GDAP1: variants seen among roughly 807,000 people sequenced by gnomAD.
GDAP1 encodes ganglioside induced differentiation associated protein 1, also known as ganglioside-induced differentiation-associated protein 1.
A neutral mutation model predicts 40.1 loss-of-function variants in GDAP1; 34 were observed. The ratio of observed to expected loss-of-function variants is 0.85; its 90% CI spans 0.64 to 1.13. The LOEUF is 1.13. Ranked by LOEUF, GDAP1 falls within the 50% of genes most tolerant of loss-of-function variation. GDAP1 has a pLI of 0.00. For synonymous variants in GDAP1, 170 were observed against 157.4 expected, an observed-to-expected ratio of 1.08 and a Z score of -0.60; for missense variants, 374 against 433.7, an observed-to-expected ratio of 0.86 and a Z score of 1.22.
intron 2 of GDAP1, among the ~76,000 whole-genome samples, chr8:74,429,071 T>C (rs1805993744): frequency 6.6e-6 from 1 of 152,170 alleles, no homozygotes; most frequent in African/African-American, 2.4e-5. Flanking sequence ...TGCATAGTAT[T>C]CCATGGTGTA....
chr8:74,383,042 C>T (rs955715614), intron 2 of GDAP1, among the ~76,000 whole-genome samples: 36 of 152,156 alleles, frequency 2.4e-4, no homozygotes, highest in African/African-American at 8.4e-4. Context: ...GTTTGTAAAA[C>T]TTTCTAACAC....
chr8:74,470,218 T>A (rs971003807), intron 2 of GDAP1, among the ~76,000 whole-genome samples: 1 of 152,164 alleles, frequency 6.6e-6, no homozygotes, highest in Non-Finnish European at 1.5e-5. Flanking sequence ...ATGAATCTTT[T>A]AAAATTTCCT....
At position 74,366,027 on chromosome 8, in the gene GDAP1, G is replaced by T. The variant is rs1475725053; in HGVS notation, c.*1660G>T. The T allele has an allele frequency of 2.2e-6, 1 of 450,038 alleles. No homozygotes were observed. Among genetic ancestry groups the T allele is most frequent in the Non-Finnish European group, 4.4e-6 (1 of 225,798 alleles). 27.9% of individuals were successfully genotyped at this position (450,038 alleles called of 1,614,324 possible). On this transcript the variant is annotated 3_prime_UTR_variant, in exon 6 of 6. Transcript: ENST00000220822. ...CAAGAACTGAGTCGTGAAGAAATAA[G>T]AATTGGATTTTTATAAAAACCTCTG... is the stretch of plus-strand genomic sequence containing the variant.
At chr8:74,377,433 A>G (rs113521502) in intron 2 of GDAP1, among the ~76,000 whole-genome samples, 6,654 of 152,326 alleles carry the variant, frequency 0.044, 203 homozygotes, top group Non-Finnish European at 0.064. Flanking sequence ...GTAAGAATAC[A>G]CAAAAATGCT....
At chr8:74,374,329 ATGGTACCAGCTCTTCCTTGT>A in intron 2 of GDAP1, among the ~76,000 whole-genome samples, 2 of 152,134 alleles carry the variant, frequency 1.3e-5, no homozygotes, top group Middle Eastern at 6.8e-3. Flanking sequence ...TTCAGAAGGA[ATGGTACCAGCTCTTCCTTGT>A]ACCTCCGGTA....
intron 2 of GDAP1, among the ~76,000 whole-genome samples, chr8:74,462,511 G>C (rs1205986569): frequency 1.3e-5 from 2 of 152,150 alleles, no homozygotes; most frequent in Non-Finnish European, 2.9e-5. Flanking sequence ...CCAGCTGATG[G>C]TAAGTTAGAG....
intron 2 of GDAP1, among the ~76,000 whole-genome samples, chr8:74,435,645 C>A (rs1016270554): frequency 6.6e-6 from 1 of 152,166 alleles, no homozygotes; most frequent in African/African-American, 2.4e-5. Context: ...GCTTTCAGAT[C>A]AAAGAGTAAG....
In GDAP1 at chr8:74,401,066, G is replaced by A. The variant is rs1173080472; in HGVS notation, c.165+49745G>A. Among the ~76,000 whole-genome samples the A allele has an allele frequency of 1.0e-4, 15 of 149,048 alleles. 1 individual carries two copies. The highest frequency in any genetic ancestry group is 6.2e-4 in the South Asian group (3 of 4,808). ...TCTTCTCGAGGAGTATCTTTGTGGC[G>A]TTCTCTGTATTTCCTGAATCTGAAT... On this transcript the variant is annotated intron_variant, in intron 2 of 2. Transcript: ENST00000523640.
At chr8:74,389,264 A>T (rs1047588712) in intron 2 of GDAP1, among the ~76,000 whole-genome samples, 2 of 152,050 alleles carry the variant, frequency 1.3e-5, no homozygotes, top group Admixed American at 6.6e-5. Flanking sequence ...CAGTTTCTTC[A>T]TAGTATTGTT....
intron 2 of GDAP1, among the ~76,000 whole-genome samples, chr8:74,402,099 A>T (rs1563459237): frequency 6.7e-6 from 1 of 150,174 alleles, no homozygotes; most frequent in Non-Finnish European, 1.5e-5. Context: ...AGACAGGGAC[A>T]TTTAAGTCTG....
intron 2 of GDAP1, among the ~76,000 whole-genome samples, chr8:74,482,610 C>T (rs1189703393): frequency 6.6e-6 from 1 of 152,146 alleles, no homozygotes; most frequent in East Asian, 1.9e-4. Flanking sequence ...ATCACCTGGA[C>T]TGCTTGTTTC....
In GDAP1 at chr8:74,435,936, T is replaced by C. The variant is rs535512997; in HGVS notation, c.166-52742T>C. ...CTCAATATTAGCACATAAATGTTAATGAGTACAAATCATTCCAAGCATGTC... is the reference window on the plus strand; with the variant it reads ...CTCAATATTAGCACATAAATGTTAACGAGTACAAATCATTCCAAGCATGTC... On this transcript the variant is annotated intron_variant, in intron 2 of 2. Coordinates refer to the GDAP1 transcript ENST00000523640. Among the ~76,000 whole-genome samples the C allele has an allele frequency of 4.6e-5, 7 of 152,354 alleles. No individual in the cohort carries two copies. In the South Asian group the frequency reaches 1.4e-3, roughly 32 times the overall value.
At chr8:74,362,548 C>G (rs139302813) in intron 4 of GDAP1, among the ~76,000 whole-genome samples, 2 of 152,302 alleles carry the variant, frequency 1.3e-5, no homozygotes, top group South Asian at 4.1e-4. Flanking sequence ...CTCCACTCGC[C>G]GTTTAACTCC....
intron 2 of GDAP1, among the ~76,000 whole-genome samples, chr8:74,422,334 TTTCTTTCTTTCTTTCTTCCCTTCCTTCC>T (rs1193483224): frequency 0.024 from 1,498 of 61,718 alleles, 24 homozygotes; most frequent in Middle Eastern, 0.093. Context: ...TCTTTCTTTC[TTTCTTTCTTTCTTTCTTCCCTTCCTTCC>T]TTCCTTCCTT....
chr8:74,429,632 C>A (rs987004672), intron 2 of GDAP1, among the ~76,000 whole-genome samples: 4 of 152,112 alleles, frequency 2.6e-5, no homozygotes, highest in African/African-American at 9.7e-5. Context: ...ATCTTCTCTT[C>A]TTATAAGGAC....
chr8:74,455,812 A>G (rs1806329126), intron 2 of GDAP1, among the ~76,000 whole-genome samples: 1 of 151,932 alleles, frequency 6.6e-6, no homozygotes, highest in South Asian at 2.1e-4. Context: ...GATGCATAGC[A>G]GACTAAATAA....
At chr8:74,434,516 C>T (rs943214576) in intron 2 of GDAP1, among the ~76,000 whole-genome samples, 4 of 152,086 alleles carry the variant, frequency 2.6e-5, no homozygotes, top group African/African-American at 9.7e-5. Context: ...CTGTTATTCC[C>T]AGAGTGAGAT....
At chr8:74,421,471 G>A (rs888009228) in intron 2 of GDAP1, among the ~76,000 whole-genome samples, 8 of 152,142 alleles carry the variant, frequency 5.3e-5, no homozygotes, top group Non-Finnish European at 1.5e-5. Flanking sequence ...TGTCACTATT[G>A]TCATGAGTAA....
chr8:74,367,675 C>T (rs894045196), downstream of GDAP1, among the ~76,000 whole-genome samples: 1 of 152,164 alleles, frequency 6.6e-6, no homozygotes, highest in Admixed American at 6.5e-5. Context: ...TTTTATAATA[C>T]TCCAGAACAG....
Sources: allele counts gnomAD v4.1 joint callset (sites outside exome capture counted in the v4.1 genomes callset), GRCh38; gene constraint gnomAD v4.1.1; transcripts MANE v1.5; gene names NCBI Gene and HGNC (gene_info 2026-07-23, HGNC 2026-07-21).